The following VPS41 variants were observed in gnomAD, a reference collection of about 807,000 sequenced individuals.
VPS41 encodes the protein VPS41 subunit of HOPS complex.
In VPS41, 85 loss-of-function variants were observed where a neutral mutation model predicts 130.9. The observed-to-expected ratio is 0.65, with a 90% CI of 0.55 to 0.78. The LOEUF is 0.78. VPS41 is among the 30% of genes least tolerant of loss of function. The probability of loss-of-function intolerance (pLI) is 0.00; values close to 1 mark genes in which losing one functional copy is unlikely to be tolerated. For missense variants in VPS41, 874 were observed against 1,018.7 expected (o/e 0.86, Z 1.93); for synonymous variants, 335 against 332.9 (o/e 1.01, Z -0.07).
chr7:38,790,212 G>A (rs556015582), intron 9 of VPS41, among the ~76,000 whole-genome samples: 2 of 152,202 alleles, frequency 1.3e-5, no homozygotes, highest in African/African-American at 4.8e-5. Flanking sequence ...ACCATTAACT[G>A]TAACTATGGT....
chr7:38,764,782 G>A (rs959529346), intron 16 of VPS41, among the ~76,000 whole-genome samples: 1 of 152,030 alleles, frequency 6.6e-6, no homozygotes, highest in Non-Finnish European at 1.5e-5. Flanking sequence ...GGAAGGAATG[G>A]ATTTATATTA....
intron 27 of VPS41, among the ~76,000 whole-genome samples, chr7:38,727,543 A>G (rs575209900): frequency 6.6e-6 from 1 of 152,308 alleles, no homozygotes; most frequent in African/African-American, 2.4e-5. Context: ...AGTTAAATCT[A>G]ACTGTAGAGT....
chr7:38,843,407 G>A (rs1785653436), intron 4 of VPS41, among the ~76,000 whole-genome samples: 1 of 152,182 alleles, frequency 6.6e-6, no homozygotes, highest in South Asian at 2.1e-4. Context: ...GACTGGCCGG[G>A]CGCGGTGGCT....
At chr7:38,734,889 A>G (rs2115582166) in intron 25 of VPS41, among the ~76,000 whole-genome samples, 1 of 152,328 alleles carries the variant, frequency 6.6e-6, no homozygotes, top group Admixed American at 6.5e-5. Flanking sequence ...CCTCATTTCT[A>G]ATCCTTCCTT....
intron 2 of VPS41, among the ~76,000 whole-genome samples, chr7:38,894,529 A>G (rs1786938793): frequency 1.3e-5 from 2 of 152,176 alleles, no homozygotes; most frequent in Non-Finnish European, 2.9e-5. Flanking sequence ...CACCATGACA[A>G]TATCTAAAAT....
intron 10 of VPS41, among the ~76,000 whole-genome samples, chr7:38,777,328 G>A (rs920787785): frequency 3.3e-5 from 5 of 150,956 alleles, no homozygotes; most frequent in Non-Finnish European, 7.4e-5. Context: ...TATTTCTTAA[G>A]TGAAATAAAG....
intron 2 of VPS41, among the ~76,000 whole-genome samples, chr7:38,873,409 T>C (rs532786901): frequency 5.3e-5 from 8 of 152,104 alleles, no homozygotes; most frequent in African/African-American, 1.9e-4. Context: ...TTTAAAAGTC[T>C]AGTAGATTAT....
At chr7:38,741,209 GT>G (rs1381793789) in intron 25 of VPS41, 1 of 233,216 alleles carries the variant, frequency 4.3e-6, no homozygotes, top group Non-Finnish European at 9.2e-6. Context: ...TGCAAAAATT[GT>G]TTCTAGGAAA....
intron 22 of VPS41, among the ~76,000 whole-genome samples, chr7:38,747,780 G>A (rs1554287258): frequency 6.6e-6 from 1 of 152,206 alleles, no homozygotes; most frequent in Non-Finnish European, 1.5e-5. Context: ...CATGTGGTTG[G>A]TGGCTACTAT....
chr7:38,741,632 T>G (rs1035186297), intron 25 of VPS41, among the ~76,000 whole-genome samples: 1 of 152,332 alleles, frequency 6.6e-6, no homozygotes, highest in East Asian at 1.9e-4. Context: ...CCTAAAAATG[T>G]TGGGGTGGCC....
At position 38,726,901 on chromosome 7, in the gene VPS41, C is replaced by T. The variant is rs1482150384; in HGVS notation, c.2484+8G>A. 6.5e-7 allele frequency: 1 copy of T among 1,541,934 alleles called. No homozygotes were observed. Among genetic ancestry groups the T allele is most frequent in the South Asian group, 1.3e-5 (1 of 79,384 alleles). On this transcript the variant is annotated splice_region_variant and intron_variant, in intron 28 of 28. Transcript: ENST00000310301. ...CTCTAGTTGATAGGTGCCAAGCTGC[C>T]AACTCACCATGCTGGGCATGGGCAG... is the stretch of plus-strand genomic sequence containing the variant.
At chr7:38,775,322 C>G (rs1784237612) in intron 11 of VPS41, 1 of 152,202 alleles carries the variant, frequency 6.6e-6, no homozygotes, top group African/African-American at 2.4e-5. Context: ...AAAACCCTCG[C>G]TTCTTCTTCT....
At chr7:38,790,179 C>T (rs1784509892) in intron 9 of VPS41, among the ~76,000 whole-genome samples, 1 of 152,160 alleles carries the variant, frequency 6.6e-6, no homozygotes, top group Non-Finnish European at 1.5e-5. Flanking sequence ...TTTTCTTTTA[C>T]ATAGTGTTCT....
intron 10 of VPS41, among the ~76,000 whole-genome samples, chr7:38,779,284 G>A (rs1426864257): frequency 1.3e-5 from 2 of 152,170 alleles, no homozygotes; most frequent in East Asian, 1.9e-4. Flanking sequence ...AGACGCACAG[G>A]TAAGCAAGTA....
At chr7:38,775,826 TA>T (rs112990085) in intron 11 of VPS41, among the ~76,000 whole-genome samples, 7,213 of 143,500 alleles carry the variant, frequency 0.05, 493 homozygotes, top group African/African-American at 0.16. Flanking sequence ...TCTTGCCATT[TA>T]AAAAAAAAAA....
chr7:38,752,877 T>C (rs1783706501), intron 21 of VPS41, among the ~76,000 whole-genome samples: 1 of 152,170 alleles, frequency 6.6e-6, no homozygotes, highest in Non-Finnish European at 1.5e-5. Context: ...GCATCTCCTC[T>C]TTGTTGACTC....
chr7:38,796,704 C>T, intron 8 of VPS41, 41 bp downstream of exon 8: 1 of 1,612,270 alleles, frequency 6.2e-7, no homozygotes, highest in South Asian at 1.1e-5. Context: ...CATTCTTCTG[C>T]CACTGAACAA....
intron 12 of VPS41, among the ~76,000 whole-genome samples, chr7:38,772,894 G>A (rs1400399932): frequency 2.0e-5 from 3 of 151,414 alleles, no homozygotes; most frequent in Non-Finnish European, 4.4e-5. Flanking sequence ...GAGAAGGACA[G>A]AAAGGGAGGG....
In VPS41 at chr7:38,844,950, C is replaced by A. The variant is rs78072525; in HGVS notation, c.247-14622G>T. ...TGTTGCACCCACCAGGACGGTAGAA[C>A]CTCAACAGAGGCAGGGGCACGGAAC... On this transcript the variant is annotated intron_variant, in intron 4 of 28. Coordinates refer to ENST00000310301, the MANE Select transcript of VPS41 (RefSeq NM_014396.4). Among the ~76,000 whole-genome samples the A allele has an allele frequency of 9.0e-3, 1,368 of 152,288 alleles. 27 individuals are homozygous for A. The highest frequency in any genetic ancestry group is 0.03 in the African/African-American group (1,262 of 41,544).
Sources: allele counts gnomAD v4.1 joint callset (sites outside exome capture counted in the v4.1 genomes callset), GRCh38; gene constraint gnomAD v4.1.1; transcripts MANE v1.5; gene names NCBI Gene and HGNC (gene_info 2026-07-23, HGNC 2026-07-21).